RYR2: variants seen among roughly 807,000 people sequenced by gnomAD.
RYR2 encodes the protein ryanodine receptor 2.
Under a neutral mutation model 601.1 loss-of-function variants are expected in RYR2, and 227 were observed. The observed-to-expected ratio is 0.38, with a 90% confidence interval of 0.34 to 0.42. The LOEUF (loss-of-function observed/expected upper bound fraction) is 0.42. RYR2 is among the 10% of genes least tolerant of loss of function. The pLI is 1.00. For missense variants in RYR2, 4,646 were observed against 6,156.5 expected, an observed-to-expected ratio of 0.75 and a Z score of 8.21; for synonymous variants, 2,223 against 2,175.1, an observed-to-expected ratio of 1.02 and a Z score of -0.61.
chr1:237,119,828 C>A (rs1327661976), intron 1 of RYR2, among the ~76,000 whole-genome samples: 1 of 152,200 alleles, frequency 6.6e-6, no homozygotes, highest in East Asian at 1.9e-4. Context: ...CCTTGACCTT[C>A]AATCACTGCA....
intron 23 of RYR2, among the ~76,000 whole-genome samples, chr1:237,509,939 A>G (rs1291870310): frequency 6.6e-6 from 1 of 152,196 alleles, no homozygotes; most frequent in Non-Finnish European, 1.5e-5. Context: ...GCAGTGTTGC[A>G]AGAGGACACC....
intron 10 of RYR2, among the ~76,000 whole-genome samples, chr1:237,398,807 C>CT (rs1703082835): frequency 6.6e-6 from 1 of 152,018 alleles, no homozygotes; most frequent in African/African-American, 2.4e-5. Context: ...TGTAGAGCAA[C>CT]TTTATTTGTA....
At chr1:237,125,243 C>G (rs1558278497) in intron 1 of RYR2, among the ~76,000 whole-genome samples, 2 of 151,972 alleles carry the variant, frequency 1.3e-5, no homozygotes, top group Admixed American at 6.6e-5. Flanking sequence ...TTAAGGTCGC[C>G]ACGCCCAGGC....
intron 12 of RYR2, among the ~76,000 whole-genome samples, chr1:237,436,354 G>T (rs77504483): frequency 0.024 from 3,626 of 150,866 alleles, 141 homozygotes; most frequent in African/African-American, 0.085. Flanking sequence ...GCCCCTCATA[G>T]ACCCCTTCAG....
chr1:237,486,102 CA>C (rs1376151001), intron 17 of RYR2, among the ~76,000 whole-genome samples: 1 of 152,036 alleles, frequency 6.6e-6, no homozygotes, highest in African/African-American at 2.4e-5. Context: ...AAAGAGGATT[CA>C]AAAATGACTT....
At chr1:237,367,070 C>G (rs1420441669) in intron 5 of RYR2, among the ~76,000 whole-genome samples, 3 of 151,022 alleles carry the variant, frequency 2.0e-5, no homozygotes, top group Non-Finnish European at 4.4e-5. Context: ...AAAAAAGTGA[C>G]TGTTTTGTTT....
intron 2 of RYR2, among the ~76,000 whole-genome samples, chr1:237,319,527 G>A (rs762330470): frequency 2.6e-5 from 4 of 152,024 alleles, no homozygotes; most frequent in Non-Finnish European, 5.9e-5. Flanking sequence ...TCTCCTTGAT[G>A]GGTGGCCAAT....
intron 80 of RYR2, among the ~76,000 whole-genome samples, chr1:237,743,074 G>T (rs1045502466): frequency 2.9e-4 from 44 of 151,256 alleles, no homozygotes; most frequent in African/African-American, 1.1e-3. Context: ...GTTTTGTTTT[G>T]TTTTTTTAGA....
rs569511297 is a variant in RYR2 at position 237,623,897 on chromosome 1, T to C, written c.6022+27T>C. The C allele has an allele frequency of 1.8e-5, 25 of 1,410,562 alleles. No individual in the cohort carries two copies. In the South Asian group the frequency reaches 2.4e-4, roughly 14 times the overall value. 87.4% of individuals were successfully genotyped at this position (1,410,562 alleles called of 1,614,324 possible). On this transcript the variant is annotated intron_variant, in intron 39 of 104. Transcript: ENST00000366574. ...TAAGGTCTTTTTGATTAAAAGCTTT[T>C]ATTAATTGTATGTTTTTAATCCATA... is the stretch of plus-strand genomic sequence containing the variant.
intron 51 of RYR2, among the ~76,000 whole-genome samples, chr1:237,651,985 C>T (rs1483495973): frequency 6.6e-6 from 1 of 151,580 alleles, no homozygotes; most frequent in Non-Finnish European, 1.5e-5. Flanking sequence ...TGCAGTGAGC[C>T]GAGATCGCAC....
At chr1:237,088,945 T>C (rs1666653438) in intron 1 of RYR2, among the ~76,000 whole-genome samples, 1 of 152,214 alleles carries the variant, frequency 6.6e-6, no homozygotes, top group Non-Finnish European at 1.5e-5. Context: ...TGCCTGAGTT[T>C]CCACTGTAAC....
At chr1:237,727,325 C>A in intron 76 of RYR2, 126 bp downstream of exon 76, 1 of 437,908 alleles carries the variant, frequency 2.3e-6, no homozygotes, top group South Asian at 7.5e-5. Context: ...TTTATTGATT[C>A]TTCTACATAA....
At position 237,801,571 on chromosome 1, in the gene RYR2, T is replaced by C. The variant is rs370208338; in HGVS notation, c.14091-285T>C. On this transcript the variant is annotated intron_variant, in intron 97 of 104. Coordinates refer to ENST00000366574, the MANE Select transcript of RYR2 (RefSeq NM_001035.3). ...AAAAAAAAAAAATGTTAATACTGAATGTAGGAAAGGGAAAGGTGAAAAAGA... is the reference window on the plus strand; with the variant it reads ...AAAAAAAAAAAATGTTAATACTGAACGTAGGAAAGGGAAAGGTGAAAAAGA... 7.0e-4 allele frequency among the ~76,000 whole-genome samples: 104 copies of C among 149,476 alleles called. No individual in the cohort carries two copies. The South Asian group carries it at 0.011, about 16-fold the overall frequency.
intron 20 of RYR2, among the ~76,000 whole-genome samples, chr1:237,500,026 C>T (rs1294813247): frequency 2.6e-5 from 4 of 152,160 alleles, no homozygotes; most frequent in South Asian, 4.1e-4. Context: ...TCCTGCTTTA[C>T]TTAAGAAGCC....
intron 63 of RYR2, 25 bp from the exon 64 acceptor site, chr1:237,698,940 A>G (rs764666258): frequency 3.8e-5 from 55 of 1,437,954 alleles, no homozygotes; most frequent in Non-Finnish European, 4.6e-5. Flanking sequence ...AGGGCAATTT[A>G]TACAGCATTT....
intron 35 of RYR2, among the ~76,000 whole-genome samples, chr1:237,602,575 C>T (rs707193): frequency 0.35 from 52,732 of 151,938 alleles, 10,950 homozygotes; most frequent in Admixed American, 0.48. Context: ...TCTTGGGGTA[C>T]GTTTATTAGG....
intron 104 of RYR2, among the ~76,000 whole-genome samples, chr1:237,832,269 C>T (rs573321400): frequency 6.6e-6 from 1 of 151,244 alleles, no homozygotes; most frequent in African/African-American, 2.4e-5. Context: ...TCAGGCTGGT[C>T]TTGAATGCCT....
In RYR2 at chr1:237,643,452, G is replaced by C. The variant is rs1454317870; in HGVS notation, c.7342+5G>C. 1.2e-6 allele frequency: 2 copies of C among 1,613,664 alleles called. No homozygotes were observed. Among genetic ancestry groups the C allele is most frequent in the Admixed American group, 1.7e-5 (1 of 59,998 alleles). On this transcript the variant is annotated splice_donor_5th_base_variant and intron_variant, in intron 48 of 104. Transcript: ENST00000366574. ...AGATGCCAACAATAGCCAAAGGTAA[G>C]GCCAACTTCAATTTGTCCTAATTCA...
rs1345220346 is a variant in RYR2, at chr1:237,610,637, C to T, written c.4684-125C>T. 1 of 746,806 alleles carries T rather than the reference C, an allele frequency of 1.3e-6. No homozygotes were observed. The highest frequency in any genetic ancestry group is 2.7e-5 in the East Asian group (1 of 36,836). The allele number at this position is 746,806 out of a possible 1,614,324, so 46.3% of individuals were successfully genotyped here. A position where few individuals can be genotyped will look rare whatever the true frequency, so the allele number is the denominator to read the frequency against. On this transcript the variant is annotated intron_variant, in intron 35 of 104. Coordinates refer to ENST00000366574, the MANE Select transcript of RYR2 (RefSeq NM_001035.3). This position sits in a 1 kb window ranked among gnomAD's most constrained non-coding sequence, Gnocchi z 4.9. ...CAATTTCTATGATTTCTTGTGTTGACTTTGCTTGACTCATAGGGTTATCTT... is the reference window on the plus strand; with the variant it reads ...CAATTTCTATGATTTCTTGTGTTGATTTTGCTTGACTCATAGGGTTATCTT...
Sources: allele counts gnomAD v4.1 joint callset (sites outside exome capture counted in the v4.1 genomes callset), GRCh38; gene constraint gnomAD v4.1.1; non-coding constraint Gnocchi (gnomAD v3.1); transcripts MANE v1.5; gene names NCBI Gene and HGNC (gene_info 2026-07-23, HGNC 2026-07-21).